The following CACNA2D1 variants were observed in gnomAD, a reference collection of about 807,000 sequenced individuals.
CACNA2D1 encodes the protein calcium voltage-gated channel auxiliary subunit alpha2delta 1.
A neutral mutation model predicts 171.5 loss-of-function variants in CACNA2D1; 53 were observed. The ratio of observed to expected loss-of-function variants is 0.31; its 90% CI spans 0.25 to 0.39. The LOEUF (loss-of-function observed/expected upper bound fraction) is 0.39. Among genes scored for constraint, CACNA2D1 ranks in the 10% least tolerant of loss-of-function variants. The pLI, the probability that CACNA2D1 is intolerant of heterozygous loss-of-function variation, is 1.00. For missense variants in CACNA2D1, 903 were observed against 1,299.8 expected, an observed-to-expected ratio of 0.69 and a Z score of 4.69; for synonymous variants, 442 against 443.1, an observed-to-expected ratio of 1.00 and a Z score of 0.03.
intron 1 of CACNA2D1, among the ~76,000 whole-genome samples, chr7:82,371,668 G>A (rs547336955): frequency 8.0e-4 from 122 of 152,008 alleles, no homozygotes; most frequent in African/African-American, 2.7e-3. Flanking sequence ...GTAACCTCCC[G>A]GACTCAAGCG....
chr7:82,323,276 A>G, intron 3 of CACNA2D1, among the ~76,000 whole-genome samples: 1 of 152,024 alleles, frequency 6.6e-6, no homozygotes, highest in Non-Finnish European at 1.5e-5. Flanking sequence ...AAAAAAAAAA[A>G]GAGGTGAAAT....
intron 18 of CACNA2D1, among the ~76,000 whole-genome samples, chr7:82,002,778 C>T (rs1324188015): frequency 1.3e-5 from 2 of 151,790 alleles, no homozygotes; most frequent in Non-Finnish European, 2.9e-5. Context: ...GGTAAAAGTA[C>T]ACACTGAGAA....
chr7:82,110,150 C>T (rs1788205914), intron 6 of CACNA2D1, among the ~76,000 whole-genome samples: 1 of 152,136 alleles, frequency 6.6e-6, no homozygotes. Flanking sequence ...GAAAAGATTA[C>T]AAAATTCTTC....
chr7:82,269,900 A>G (rs1325354065), intron 3 of CACNA2D1, among the ~76,000 whole-genome samples: 2 of 152,136 alleles, frequency 1.3e-5, no homozygotes, highest in Non-Finnish European at 2.9e-5. Flanking sequence ...CACAAACTTT[A>G]CTGACATATT....
At chr7:82,046,555 C>T (rs1444040570) in intron 10 of CACNA2D1, among the ~76,000 whole-genome samples, 3 of 152,164 alleles carry the variant, frequency 2.0e-5, no homozygotes, top group Non-Finnish European at 2.9e-5. Context: ...TCAATTATCT[C>T]CCCTAAGCTG....
At chr7:82,441,514 T>G (rs1030784708) in intron 1 of CACNA2D1, among the ~76,000 whole-genome samples, 1 of 152,188 alleles carries the variant, frequency 6.6e-6, no homozygotes, top group Non-Finnish European at 1.5e-5. Context: ...ATATACTCTT[T>G]CTTGTGTCTA....
At chr7:82,415,195 T>C (rs906695440) in intron 1 of CACNA2D1, among the ~76,000 whole-genome samples, 7 of 152,128 alleles carry the variant, frequency 4.6e-5, no homozygotes, top group Non-Finnish European at 8.8e-5. Flanking sequence ...TGTCCAAGAA[T>C]GCTAGAAAAA....
chr7:82,250,654 C>T (rs181414058), intron 3 of CACNA2D1, among the ~76,000 whole-genome samples: 114 of 152,254 alleles, frequency 7.5e-4, no homozygotes, highest in African/African-American at 2.6e-3. Flanking sequence ...CAACTTCTAA[C>T]ATCATAATAT....
intron 3 of CACNA2D1, among the ~76,000 whole-genome samples, chr7:82,224,689 G>A (rs1291097442): frequency 1.3e-5 from 2 of 152,202 alleles, no homozygotes; most frequent in Non-Finnish European, 2.9e-5. Context: ...AACAGAAACT[G>A]TGTGAACTGC....
chr7:82,260,458 A>T lies in CACNA2D1; in HGVS notation c.294+74677T>A, dbSNP rs1806923415. ...GATTTCCTTGAGGAGTAATGCTATA[A>T]CCAGGTCATAATGAGCATGTAATTC... On this transcript the variant is annotated intron_variant, in intron 3 of 38. Coordinates refer to ENST00000356860, the MANE Select transcript of CACNA2D1 (RefSeq NM_000722.4). 1.3e-5 allele frequency among the ~76,000 whole-genome samples: 2 copies of T among 152,204 alleles called. 1 individual carries two copies. The highest frequency in any genetic ancestry group is 4.1e-4 in the South Asian group (2 of 4,830).
intron 20 of CACNA2D1, among the ~76,000 whole-genome samples, chr7:81,992,813 C>A (rs140652720): frequency 4.4e-4 from 67 of 152,196 alleles, no homozygotes; most frequent in African/African-American, 1.6e-3. Context: ...TTAAAAAAGT[C>A]ATTATTCAGT....
intron 6 of CACNA2D1, among the ~76,000 whole-genome samples, chr7:82,116,232 T>C (rs1042111736): frequency 2.6e-5 from 4 of 152,184 alleles, no homozygotes; most frequent in African/African-American, 7.2e-5. Context: ...ACCAGGGATA[T>C]GACTGAACAA....
At chr7:82,102,804 C>A (rs757741488) in intron 6 of CACNA2D1, among the ~76,000 whole-genome samples, 1 of 152,132 alleles carries the variant, frequency 6.6e-6, no homozygotes. Flanking sequence ...CATATTACCA[C>A]CCTGCTGCAG....
At chr7:82,164,813 A>G (rs1218369746) in intron 4 of CACNA2D1, among the ~76,000 whole-genome samples, 2 of 130,496 alleles carry the variant, frequency 1.5e-5, no homozygotes, top group Non-Finnish European at 3.3e-5. Flanking sequence ...ATGCTTATGT[A>G]TTTTTTTCTT....
chr7:82,327,845 T>C (rs535670379), intron 3 of CACNA2D1, among the ~76,000 whole-genome samples: 1 of 152,194 alleles, frequency 6.6e-6, no homozygotes, highest in African/African-American at 2.4e-5. Context: ...TAAGATACTT[T>C]CCTAGTTGTT....
chr7:82,141,160 A>G (rs928912828), intron 4 of CACNA2D1, among the ~76,000 whole-genome samples: 1 of 152,104 alleles, frequency 6.6e-6, no homozygotes, highest in Admixed American at 6.5e-5. Flanking sequence ...ATGTCCAGCT[A>G]TGTTAACTAA....
chr7:82,360,408 T>C (rs1010022196), intron 1 of CACNA2D1, among the ~76,000 whole-genome samples: 1 of 152,202 alleles, frequency 6.6e-6, no homozygotes, highest in African/African-American at 2.4e-5. Context: ...CTAAATGCTA[T>C]AATTTTTCCT....
intron 2 of CACNA2D1, among the ~76,000 whole-genome samples, chr7:82,347,475 A>G (rs574148389): frequency 1.3e-5 from 2 of 152,256 alleles, no homozygotes; most frequent in East Asian, 1.9e-4. Context: ...CATTTCTACA[A>G]TAATAAATTT....
chr7:82,280,514 A>C (rs947005017), intron 3 of CACNA2D1, among the ~76,000 whole-genome samples: 1 of 152,180 alleles, frequency 6.6e-6, no homozygotes, highest in Admixed American at 6.5e-5. Flanking sequence ...CCCAAGCTGT[A>C]GTCCAGCTCT....
Sources: allele counts gnomAD v4.1 joint callset (sites outside exome capture counted in the v4.1 genomes callset), GRCh38; gene constraint gnomAD v4.1.1; transcripts MANE v1.5; gene names NCBI Gene and HGNC (gene_info 2026-07-23, HGNC 2026-07-21).